Variants in TEX11 observed in about 807,000 individuals in gnomAD.
The protein encoded by TEX11 is testis-expressed protein 11.
A neutral mutation model predicts 84.4 loss-of-function variants in TEX11; 7 were observed. The observed-to-expected ratio is 0.08, with a 90% confidence interval of 0.05 to 0.16. The LOEUF is 0.16. Ranked by LOEUF, TEX11 falls within the 10% of genes least tolerant of loss-of-function variation. The probability of loss-of-function intolerance (pLI) is 1.00; values close to 1 mark genes in which losing one functional copy is unlikely to be tolerated. For missense variants in TEX11, 551 were observed against 660.5 expected (o/e 0.83, Z 1.82); for synonymous variants, 264 against 222.8 (o/e 1.18, Z -1.64).
At chrX:70,590,551 A>G (rs2088915107) in intron 25 of TEX11, among the ~76,000 whole-genome samples, 1 of 111,555 alleles carries the variant, frequency 9.0e-6, no homozygotes, top group Admixed American at 9.6e-5. Context: ...CTGAAAAAGC[A>G]TGTAATTCAA....
At chrX:70,844,622 TA>T (rs769907358) in intron 7 of TEX11, among the ~76,000 whole-genome samples, 18 of 108,717 alleles carry the variant, frequency 1.7e-4, no homozygotes, top group African/African-American at 4.0e-4. Context: ...AATAATAAAA[TA>T]AAAAAAAAGA....
chrX:70,858,599 A>C (rs1387321764), intron 5 of TEX11, among the ~76,000 whole-genome samples: 2 of 111,455 alleles, frequency 1.8e-5, no homozygotes, highest in Non-Finnish European at 3.8e-5. Context: ...TAAAAACATC[A>C]AATGGCCACA....
chrX:70,648,265 G>A (rs1425360347), intron 17 of TEX11, among the ~76,000 whole-genome samples: 1 of 110,749 alleles, frequency 9.0e-6, no homozygotes, highest in East Asian at 2.8e-4. Flanking sequence ...GCCTGTTGTG[G>A]GATGGGGGAC....
intron 9 of TEX11, among the ~76,000 whole-genome samples, chrX:70,746,002 C>T (rs2090765584): frequency 8.9e-6 from 1 of 111,781 alleles, no homozygotes; most frequent in Non-Finnish European, 1.9e-5. Context: ...TTAAAACAAC[C>T]ACTTAGTCTC....
chrX:70,546,237 T>G (rs771432287), intron 28 of TEX11, among the ~76,000 whole-genome samples: 2 of 111,619 alleles, frequency 1.8e-5, no homozygotes, highest in Non-Finnish European at 3.8e-5. Flanking sequence ...CCTCACACTA[T>G]AACAAAATTT....
the TEX11 span, among the ~76,000 whole-genome samples, chrX:70,517,046 A>G: frequency 8.9e-6 from 1 of 111,850 alleles, no homozygotes; most frequent in Non-Finnish European, 1.9e-5. Flanking sequence ...TTTTCTAAAT[A>G]TACAATCACG....
At chrX:70,640,132 C>T (rs1213241781) in intron 17 of TEX11, among the ~76,000 whole-genome samples, 2 of 109,459 alleles carry the variant, frequency 1.8e-5, no homozygotes, top group African/African-American at 6.6e-5. Context: ...GCAGAAGCCT[C>T]AGGAGCCGAT....
chrX:70,878,539 A>G (rs2091667567), intron 3 of TEX11, among the ~76,000 whole-genome samples: 1 of 110,330 alleles, frequency 9.1e-6, no homozygotes, highest in South Asian at 3.9e-4. Context: ...ACAATCTGGC[A>G]GCAGCAAACC....
At chrX:70,785,459 T>C (rs2091071861) in intron 9 of TEX11, among the ~76,000 whole-genome samples, 1 of 111,698 alleles carries the variant, frequency 9.0e-6, no homozygotes, top group Admixed American at 9.5e-5. Context: ...AAAGCCAAAA[T>C]TGACAAATGG....
intron 9 of TEX11, among the ~76,000 whole-genome samples, chrX:70,745,189 G>C (rs1481461968): frequency 9.1e-6 from 1 of 109,556 alleles, no homozygotes; most frequent in Non-Finnish European, 1.9e-5. Flanking sequence ...CGAAAATGAG[G>C]GTGAGGGGTT....
chrX:70,687,399 T>C (rs965979659), intron 13 of TEX11, among the ~76,000 whole-genome samples: 4 of 111,455 alleles, frequency 3.6e-5, no homozygotes, highest in Non-Finnish European at 7.5e-5. Flanking sequence ...ACATTATTGA[T>C]TTTAAGTGTT....
At chrX:70,822,287 C>A in intron 8 of TEX11, among the ~76,000 whole-genome samples, 1 of 110,995 alleles carries the variant, frequency 9.0e-6, no homozygotes, top group Non-Finnish European at 1.9e-5. Flanking sequence ...AACCCAGGGT[C>A]ACAGAGGGCT....
intron 24 of TEX11, among the ~76,000 whole-genome samples, chrX:70,599,926 A>G (rs2089072429): frequency 9.3e-6 from 1 of 107,896 alleles, no homozygotes. Flanking sequence ...TCATTGTTGG[A>G]CATTTGGGTT....
intron 16 of TEX11, among the ~76,000 whole-genome samples, chrX:70,664,000 C>T (rs867895091): frequency 8.9e-6 from 1 of 111,852 alleles, no homozygotes; most frequent in Middle Eastern, 4.6e-3. Context: ...CGTAAATGTT[C>T]TGTAAATAGT....
intron 2 of TEX11, among the ~76,000 whole-genome samples, chrX:70,885,432 T>C (rs1485549525): frequency 8.9e-6 from 1 of 111,776 alleles, no homozygotes; most frequent in African/African-American, 3.2e-5. Flanking sequence ...TCAACAGAGA[T>C]AGAAAATATT....
chrX:70,770,455 T>C lies in TEX11; in HGVS notation c.693-26236A>G, dbSNP rs28649287. Reference sequence around the variant, plus strand: ...AATCTGGGAGAGGGGAGGGATAGCATTGGGAGATATACCTAATGCTAGATG... The same window carrying C: ...AATCTGGGAGAGGGGAGGGATAGCACTGGGAGATATACCTAATGCTAGATG... On this transcript the variant is annotated intron_variant, in intron 9 of 29. Transcript: ENST00000374333. Among the ~76,000 whole-genome samples, 979 of 111,435 alleles carry C rather than the reference T, an allele frequency of 8.8e-3. 14 individuals are homozygous for C. Among genetic ancestry groups the C allele is most frequent in the African/African-American group, 0.03 (922 of 30,732 alleles).
downstream of TEX11, among the ~76,000 whole-genome samples, chrX:70,528,076 G>A (rs2087839720): frequency 9.0e-6 from 1 of 111,655 alleles, no homozygotes; most frequent in African/African-American, 3.3e-5. Flanking sequence ...AAGGTGAGGT[G>A]ACCAGATCAC....
At chrX:70,614,166 A>G (rs2089293376) in intron 20 of TEX11, among the ~76,000 whole-genome samples, 1 of 111,254 alleles carries the variant, frequency 9.0e-6, no homozygotes, top group Admixed American at 9.5e-5. Flanking sequence ...AAGCAGAGGG[A>G]AAAGTAAAGA....
intron 16 of TEX11, among the ~76,000 whole-genome samples, chrX:70,669,985 T>C (rs2090008505): frequency 8.9e-6 from 1 of 112,413 alleles, no homozygotes; most frequent in Admixed American, 9.4e-5. Flanking sequence ...AGTGAAAGAA[T>C]GGCCACTTCA....
Sources: allele counts gnomAD v4.1 joint callset (sites outside exome capture counted in the v4.1 genomes callset), GRCh38; gene constraint gnomAD v4.1.1; transcripts MANE v1.5; gene names NCBI Gene and HGNC (gene_info 2026-07-23, HGNC 2026-07-21).